Variants in DCC observed in about 807,000 individuals in gnomAD.
DCC encodes DCC netrin 1 receptor.
Under a neutral mutation model 172.5 loss-of-function variants are expected in DCC, and 58 were observed. That is an observed-to-expected ratio of 0.34 (90% CI 0.27 to 0.42). The LOEUF is 0.42. Among genes scored for constraint, DCC ranks in the 10% least tolerant of loss-of-function variants. The pLI, the probability that DCC is intolerant of heterozygous loss-of-function variation, is 1.00. For synonymous variants in DCC, 709 were observed against 644.5 expected, an observed-to-expected ratio of 1.10 and a Z score of -1.52; for missense variants, 1,740 against 1,791.0, an observed-to-expected ratio of 0.97 and a Z score of 0.51.
chr18:52,504,322 A>C (rs2031144506), intron 1 of DCC, among the ~76,000 whole-genome samples: 2 of 152,194 alleles, frequency 1.3e-5, no homozygotes, highest in South Asian at 4.1e-4. Flanking sequence ...CAATGGGAGA[A>C]GGTCACAGCA....
rs1010454794 is a variant in DCC at position 53,136,209 on chromosome 18, C to CTA, written c.1262-21136_1262-21135dup. Among the ~76,000 whole-genome samples the CTA allele has an allele frequency of 2.5e-3, 367 of 144,398 alleles. 1 individual carries two copies. The highest frequency in any genetic ancestry group is 7.6e-3 in the African/African-American group (285 of 37,262). 94.7% of individuals were successfully genotyped at this position (144,398 alleles called of 152,430 possible). A position where few individuals can be genotyped will look rare whatever the true frequency, so the allele number is the denominator to read the frequency against. On this transcript the variant is annotated intron_variant, in intron 7 of 28. Coordinates refer to ENST00000442544, the MANE Select transcript of DCC (RefSeq NM_005215.4). ...CATGTGATTTTATCTATCTATCTAT[C>CTA]TATATATATATACACACACACACAC...
At chr18:52,952,645 A>G (rs555742110) in intron 5 of DCC, among the ~76,000 whole-genome samples, 10 of 152,204 alleles carry the variant, frequency 6.6e-5, no homozygotes, top group Non-Finnish European at 1.3e-4. Flanking sequence ...CATTTCCATA[A>G]ACAGAGCTAA....
intron 1 of DCC, among the ~76,000 whole-genome samples, chr18:52,657,746 C>T (rs1443184432): frequency 6.6e-6 from 1 of 152,150 alleles, no homozygotes; most frequent in Admixed American, 6.5e-5. Context: ...CTGCATGGGA[C>T]TGTGAAAACC....
At chr18:53,252,148 G>A (rs192084030) in intron 12 of DCC, among the ~76,000 whole-genome samples, 3 of 151,790 alleles carry the variant, frequency 2.0e-5, no homozygotes, top group South Asian at 2.1e-4. Context: ...CATCAATTAC[G>A]CTGCTTCACA....
chr18:52,474,354 A>G (rs1223985205), intron 1 of DCC, among the ~76,000 whole-genome samples: 1 of 151,928 alleles, frequency 6.6e-6, no homozygotes, highest in East Asian at 1.9e-4. Flanking sequence ...GCCTTATAAG[A>G]CTCATTAAAA....
intron 14 of DCC, among the ~76,000 whole-genome samples, chr18:53,332,438 T>C (rs2144850847): frequency 6.6e-6 from 1 of 152,252 alleles, no homozygotes; most frequent in Admixed American, 6.5e-5. Flanking sequence ...ATTTGTAGAA[T>C]AGCTAAGAGT....
At position 53,063,457 on chromosome 18, in the gene DCC, G is replaced by C. The variant is rs2042524369; in HGVS notation, c.1138G>C (p.Val380Leu). 1 of 1,600,858 alleles carries C rather than the reference G, an allele frequency of 6.2e-7. No individual in the cohort carries two copies. The highest frequency in any genetic ancestry group is 8.6e-7 in the Non-Finnish European group (1 of 1,168,998). ...CATTCCTAGTGATTATTTTCAGATAGTGGTAATTATTTTGTTTCATATTTG... is the reference window on the plus strand; with the variant it reads ...CATTCCTAGTGATTATTTTCAGATACTGGTAATTATTTTGTTTCATATTTG... ...VVIPSDYFQIVGGSNLRILGV... is the reference protein window; with the variant it reads ...VVIPSDYFQILGGSNLRILGV... The change falls in exon 6 of 29, where the codon GTG (valine) becomes CTG (leucine). Residue 380 changes from valine (V) to leucine (L), a missense_variant and splice_region_variant. Physicochemically the swap from Val to Leu is conservative, Grantham distance 32 (BLOSUM62 1). Around this residue, in one of 2 missense-constraint regions of DCC, gnomAD observed 1,732 missense variants for 1,767.4 expected, o/e 0.98. Coordinates refer to ENST00000442544, the MANE Select transcript of DCC (RefSeq NM_005215.4).
chr18:53,014,768 A>G (rs1162390519), intron 5 of DCC, among the ~76,000 whole-genome samples: 1 of 152,096 alleles, frequency 6.6e-6, no homozygotes, highest in Non-Finnish European at 1.5e-5. Context: ...AGTTACCTTT[A>G]GAGAGAATGG....
intron 1 of DCC, among the ~76,000 whole-genome samples, chr18:52,404,969 A>G (rs1299739791): frequency 1.3e-5 from 2 of 151,896 alleles, no homozygotes; most frequent in African/African-American, 2.4e-5. Context: ...AATTTCATCC[A>G]TGTCCCTACA....
chr18:53,527,416 G>C lies in DCC; in HGVS notation c.4254+657G>C, dbSNP rs1041242376. On this transcript the variant is annotated intron_variant, in intron 28 of 28. Transcript: ENST00000442544. Reference sequence around the variant, plus strand: ...TATTCTCTAAAATTAAAAAAATATAGTGACAAAAAGCTATATTATGAGGGC... The same window carrying C: ...TATTCTCTAAAATTAAAAAAATATACTGACAAAAAGCTATATTATGAGGGC... Among the ~76,000 whole-genome samples the C allele has an allele frequency of 9.2e-5, 14 of 151,688 alleles. No homozygotes were observed. The East Asian group carries it at 2.5e-3, about 27-fold the overall frequency.
chr18:52,971,496 C>T (rs905307335), intron 5 of DCC, among the ~76,000 whole-genome samples: 29 of 151,192 alleles, frequency 1.9e-4, no homozygotes, highest in African/African-American at 6.6e-4. Flanking sequence ...GAGAGGTGTG[C>T]GTGTGTGTGT....
intron 2 of DCC, among the ~76,000 whole-genome samples, chr18:52,784,939 GAGAGAGAGAGAC>G (rs1302557905): frequency 8.0e-5 from 12 of 150,270 alleles, no homozygotes; most frequent in African/African-American, 3.0e-4. Flanking sequence ...AGGGGGGAGA[GAGAGAGAGAGAC>G]AGAGAGAGAG....
intron 1 of DCC, among the ~76,000 whole-genome samples, chr18:52,410,128 C>T (rs1473057659): frequency 4.6e-5 from 7 of 152,142 alleles, no homozygotes; most frequent in Non-Finnish European, 1.0e-4. Flanking sequence ...TTTTCCCCTT[C>T]AAAAACGGTA....
chr18:52,507,737 C>T (rs1007759720), intron 1 of DCC, among the ~76,000 whole-genome samples: 2 of 152,122 alleles, frequency 1.3e-5, no homozygotes, highest in Non-Finnish European at 2.9e-5. Context: ...TGATTGAATC[C>T]TCAGAGCATC....
At chr18:53,512,908 C>T (rs1399905490) in intron 27 of DCC, among the ~76,000 whole-genome samples, 1 of 152,160 alleles carries the variant, frequency 6.6e-6, no homozygotes, top group Admixed American at 6.5e-5. Context: ...TCCAGGAGAA[C>T]TTCCCCAATC....
intron 28 of DCC, among the ~76,000 whole-genome samples, chr18:53,528,873 G>A (rs2046488128): frequency 2.0e-5 from 3 of 151,988 alleles, no homozygotes; most frequent in South Asian, 2.1e-4. Flanking sequence ...CACATTTTAA[G>A]AATATAATAG....
At chr18:52,619,982 T>G (rs1193445561) in intron 1 of DCC, among the ~76,000 whole-genome samples, 1 of 152,190 alleles carries the variant, frequency 6.6e-6, no homozygotes, top group African/African-American at 2.4e-5. Context: ...CTTGATGGCT[T>G]AGATTAAATT....
At chr18:52,832,739 C>T (rs9948149) in intron 2 of DCC, among the ~76,000 whole-genome samples, 36,280 of 151,946 alleles carry the variant, frequency 0.24, 5,323 homozygotes, top group African/African-American at 0.42. Context: ...ACTTCATTGC[C>T]CTTTTATTGG....
intron 1 of DCC, among the ~76,000 whole-genome samples, chr18:52,736,625 T>C (rs1354908113): frequency 6.6e-6 from 1 of 152,200 alleles, no homozygotes; most frequent in African/African-American, 2.4e-5. Context: ...TGGCTAATAT[T>C]ATTTAAAATG....
Sources: gnomAD v4.1 joint callset for allele counts (sites outside exome capture counted in the v4.1 genomes callset) on GRCh38, gnomAD v4.1.1 for gene constraint, gnomAD v4.1.1 regional missense constraint, MANE v1.5 for transcripts, NCBI Gene and HGNC (gene_info 2026-07-23, HGNC 2026-07-21) for gene names.